MPPED2: variants seen among roughly 807,000 people sequenced by gnomAD.
MPPED2 encodes metallophosphoesterase MPPED2.
A neutral mutation model predicts 33.0 loss-of-function variants in MPPED2; 5 were observed. That is an observed-to-expected ratio of 0.15 (90% confidence interval 0.08 to 0.32). The LOEUF is 0.32. Ranked by LOEUF, MPPED2 falls within the 10% of genes least tolerant of loss-of-function variation. The pLI, the probability that MPPED2 is intolerant of heterozygous loss-of-function variation, is 1.00. For synonymous variants in MPPED2, 136 were observed against 141.9 expected (o/e 0.96, Z 0.29); for missense variants, 275 against 372.1 (o/e 0.74, Z 2.15).
chr11:30,432,326 C>T (rs1949115989), intron 4 of MPPED2, among the ~76,000 whole-genome samples: 1 of 152,178 alleles, frequency 6.6e-6, no homozygotes, highest in South Asian at 2.1e-4. Context: ...CTCAGTCTTG[C>T]TCTTTTCTCT....
At chr11:30,469,515 G>A (rs566348889) in intron 4 of MPPED2, among the ~76,000 whole-genome samples, 6 of 152,136 alleles carry the variant, frequency 3.9e-5, no homozygotes, top group Non-Finnish European at 7.4e-5. Context: ...ATAGCAGAAA[G>A]AGCCAAGTTC....
At chr11:30,400,067 G>T (rs1947889102) in intron 6 of MPPED2, among the ~76,000 whole-genome samples, 1 of 151,996 alleles carries the variant, frequency 6.6e-6, no homozygotes, top group Non-Finnish European at 1.5e-5. Flanking sequence ...GAGAGATCAG[G>T]GTTATACAGC....
intron 4 of MPPED2, among the ~76,000 whole-genome samples, chr11:30,468,604 G>C (rs1255456399): frequency 6.6e-6 from 1 of 152,016 alleles, no homozygotes; most frequent in Non-Finnish European, 1.5e-5. Flanking sequence ...AGAAAGGAGA[G>C]AGAAAAGAAA....
chr11:30,426,349 T>C (rs1303738928), intron 4 of MPPED2, among the ~76,000 whole-genome samples: 1 of 152,206 alleles, frequency 6.6e-6, no homozygotes, highest in Non-Finnish European at 1.5e-5. Context: ...CATTCCTTTT[T>C]ACAGCTGAAT....
At chr11:30,482,015 C>T (rs1489072186) in intron 4 of MPPED2, among the ~76,000 whole-genome samples, 3 of 151,998 alleles carry the variant, frequency 2.0e-5, no homozygotes, top group South Asian at 2.1e-4. Context: ...TACGTGATGA[C>T]GGCACCAAGT....
intron 2 of MPPED2, 97 bp from the exon 3 acceptor site, chr11:30,536,272 C>T: frequency 1.8e-6 from 2 of 1,102,942 alleles, no homozygotes; most frequent in Non-Finnish European, 2.4e-6. Context: ...GTGAATGCAC[C>T]CAGACAAACT....
chr11:30,557,612 T>C (rs1026444347), intron 2 of MPPED2, among the ~76,000 whole-genome samples: 1 of 152,200 alleles, frequency 6.6e-6, no homozygotes, highest in Non-Finnish European at 1.5e-5. Context: ...ACTGGCTAAA[T>C]AACCAATCAA....
At chr11:30,487,878 G>C (rs1163310411) in intron 4 of MPPED2, among the ~76,000 whole-genome samples, 2 of 152,006 alleles carry the variant, frequency 1.3e-5, no homozygotes, top group Non-Finnish European at 2.9e-5. Flanking sequence ...AATCCTGAGA[G>C]CCCCTGAAGG....
chr11:30,495,812 T>C (rs1590568646), intron 3 of MPPED2, among the ~76,000 whole-genome samples: 1 of 152,302 alleles, frequency 6.6e-6, no homozygotes, highest in East Asian at 1.9e-4. Context: ...ATCCACAGGG[T>C]AATGAATCCA....
intron 4 of MPPED2, among the ~76,000 whole-genome samples, chr11:30,426,254 T>C (rs945170108): frequency 6.6e-6 from 1 of 152,226 alleles, no homozygotes; most frequent in Non-Finnish European, 1.5e-5. Flanking sequence ...TGGAATCAGA[T>C]AGTAATAGTC....
At chr11:30,571,878 T>C (rs1956709226) in intron 2 of MPPED2, among the ~76,000 whole-genome samples, 1 of 152,200 alleles carries the variant, frequency 6.6e-6, no homozygotes, top group Non-Finnish European at 1.5e-5. Context: ...ACAAACTACC[T>C]ATTTCATTAC....
At chr11:30,430,523 A>G (rs1949030546) in intron 4 of MPPED2, among the ~76,000 whole-genome samples, 1 of 152,208 alleles carries the variant, frequency 6.6e-6, no homozygotes, top group Non-Finnish European at 1.5e-5. Flanking sequence ...CGTTATATTC[A>G]TATCGGAAAA....
At chr11:30,552,219 T>C (rs1294062773) in intron 2 of MPPED2, among the ~76,000 whole-genome samples, 3 of 152,232 alleles carry the variant, frequency 2.0e-5, no homozygotes, top group Non-Finnish European at 1.5e-5. Flanking sequence ...CACAATGTCC[T>C]GCGTTAATCT....
intron 3 of MPPED2, among the ~76,000 whole-genome samples, chr11:30,520,023 A>G (rs1367361104): frequency 6.6e-6 from 1 of 152,210 alleles, no homozygotes; most frequent in African/African-American, 2.4e-5. Context: ...CCTCACAGGC[A>G]AGTACAGTCT....
At chr11:30,456,225 A>C (rs967075065) in intron 4 of MPPED2, among the ~76,000 whole-genome samples, 19 of 152,348 alleles carry the variant, frequency 1.2e-4, no homozygotes, top group African/African-American at 3.1e-4. Context: ...ATTAAGGAAA[A>C]TGCCAAGTTC....
chr11:30,412,607 G>T (rs1432802877), intron 6 of MPPED2, among the ~76,000 whole-genome samples: 2 of 151,504 alleles, frequency 1.3e-5, no homozygotes, highest in African/African-American at 4.8e-5. Context: ...AATCTCTTAA[G>T]AAAAGAAAAG....
chr11:30,486,886 A>G (rs1213858137), intron 4 of MPPED2, among the ~76,000 whole-genome samples: 1 of 152,120 alleles, frequency 6.6e-6, no homozygotes, highest in Non-Finnish European at 1.5e-5. Context: ...TATGTCCATG[A>G]CTGTGCCTGA....
intron 2 of MPPED2, among the ~76,000 whole-genome samples, chr11:30,558,675 G>T (rs577777774): frequency 6.6e-6 from 1 of 151,768 alleles, no homozygotes; most frequent in African/African-American, 2.4e-5. Flanking sequence ...CCCTGCGTTG[G>T]CCTCCCAAAG....
rs545572057 is a variant in MPPED2 at position 30,431,004 on chromosome 11, A to G, written c.537-13371T>C. ...GATGAGGAGGCAGCCAGGTAAACAGACAATTGTGTATAAAATATATGCAAT... is the reference window on the plus strand; with the variant it reads ...GATGAGGAGGCAGCCAGGTAAACAGGCAATTGTGTATAAAATATATGCAAT... On this transcript the variant is annotated intron_variant, in intron 4 of 6. Transcript: ENST00000358117. Among the ~76,000 whole-genome samples the G allele has an allele frequency of 7.9e-5, 12 of 152,364 alleles. No individual in the cohort carries two copies. In the East Asian group the frequency reaches 1.7e-3, roughly 22 times the overall value.
Sources: gnomAD v4.1 joint callset for allele counts (sites outside exome capture counted in the v4.1 genomes callset) on GRCh38, gnomAD v4.1.1 for gene constraint, MANE v1.5 for transcripts, NCBI Gene and HGNC (gene_info 2026-07-23, HGNC 2026-07-21) for gene names.